CELSR1: variants seen among roughly 807,000 people sequenced by gnomAD.
CELSR1 encodes the protein cadherin EGF LAG seven-pass G-type receptor 1.
CELSR1 carries 110 observed loss-of-function variants against 249.1 expected under a neutral mutation model. The ratio of observed to expected loss-of-function variants is 0.44; its 90% CI spans 0.38 to 0.52. CELSR1 has a LOEUF of 0.52. Ranked by LOEUF, CELSR1 falls within the 20% of genes least tolerant of loss-of-function variation. The pLI is 0.00. For missense variants in CELSR1, 4,109 were observed against 4,296.4 expected (o/e 0.96, Z 1.22); for synonymous variants, 2,113 against 1,900.0 (o/e 1.11, Z -2.92).
chr22:46,496,970 A>C (rs2080420300), intron 1 of CELSR1, among the ~76,000 whole-genome samples: 1 of 152,218 alleles, frequency 6.6e-6, no homozygotes, highest in African/African-American at 2.4e-5. Context: ...ATAATGATCA[A>C]GTGTTATGAA....
intron 1 of CELSR1, among the ~76,000 whole-genome samples, chr22:46,515,509 A>C (rs2080617629): frequency 6.6e-6 from 1 of 152,206 alleles, no homozygotes; most frequent in Non-Finnish European, 1.5e-5. Flanking sequence ...TCCATGGTGA[A>C]GTCAGCTCTG....
At position 46,468,165 on chromosome 22, in the gene CELSR1, A is replaced by G. The variant is rs933948397; in HGVS notation, c.3545-3820T>C. ...CACTTTGGGAGGCCGAGGTGGGTGG[A>G]TCACGACGTCAGGAGTTCAAGACCA... On this transcript the variant is annotated intron_variant, in intron 1 of 34. Coordinates refer to ENST00000674500, the MANE Select transcript of CELSR1 (RefSeq NM_001378328.1). This position sits in a 1 kb window ranked among gnomAD's most constrained non-coding sequence, Gnocchi z 4.5. Among the ~76,000 whole-genome samples, 3 of 151,930 alleles carry G rather than the reference A, an allele frequency of 2.0e-5. No homozygotes were observed. The highest frequency in any genetic ancestry group is 7.3e-5 in the African/African-American group (3 of 41,352).
In CELSR1 at chr22:46,395,918, T is replaced by G. The variant is rs961586571; in HGVS notation, c.5843+687A>C. Among the ~76,000 whole-genome samples the G allele has an allele frequency of 1.4e-4, 21 of 152,264 alleles. No homozygotes were observed. The highest frequency in any genetic ancestry group is 2.6e-4 in the Non-Finnish European group (18 of 68,016). The stretch of plus-strand genomic sequence containing the variant: ...ACGCTGCTGCCTGTCCTAACCACAC[T>G]AGGATCTCCGCACACATCAGAAATG... On this transcript the variant is annotated intron_variant, in intron 13 of 34. Transcript: ENST00000674500. The surrounding 1 kb of genome is among the most constrained non-coding windows in gnomAD (Gnocchi z 5.5).
At chr22:46,383,905 T>G (rs2079005175) in intron 20 of CELSR1, among the ~76,000 whole-genome samples, 1 of 152,130 alleles carries the variant, frequency 6.6e-6, no homozygotes, top group Admixed American at 6.5e-5. Context: ...CTTTCTGACA[T>G]TATCAATTAC....
intron 2 of CELSR1, among the ~76,000 whole-genome samples, chr22:46,456,530 G>T (rs911339963): frequency 4.6e-5 from 7 of 151,948 alleles, no homozygotes; most frequent in African/African-American, 7.2e-5. Flanking sequence ...AGGCGTGGTG[G>T]TGGGCACCTG....
intron 5 of CELSR1, among the ~76,000 whole-genome samples, chr22:46,421,866 C>T (rs540628493): frequency 1.3e-3 from 201 of 152,358 alleles, no homozygotes; most frequent in African/African-American, 4.5e-3. Context: ...TCACGAAGGG[C>T]GTGACCTTTC....
At chr22:46,451,670 C>A (rs1216018018) in intron 2 of CELSR1, among the ~76,000 whole-genome samples, 1 of 152,200 alleles carries the variant, frequency 6.6e-6, no homozygotes, top group Non-Finnish European at 1.5e-5. Flanking sequence ...TCCTTCTCCA[C>A]AACACCGACG....
rs1013342267 is a variant in CELSR1 at position 46,434,395 on chromosome 22, C to T, written c.4523-914G>A. 3.3e-5 allele frequency among the ~76,000 whole-genome samples: 5 copies of T among 152,120 alleles called. No homozygotes were observed. The South Asian group carries it at 6.2e-4, about 19-fold the overall frequency. On this transcript the variant is annotated intron_variant, in intron 4 of 34. Transcript: ENST00000674500. The surrounding 1 kb of genome is among the most constrained non-coding windows in gnomAD (Gnocchi z 4.9). ...GACAGGTGCGGTGGGTACCAGGTCC[C>T]GGGCAGAGAATACCGTCTCCAGGGA...
chr22:46,534,242 T>C lies in CELSR1; in HGVS notation c.2929A>G (p.Thr977Ala). Residue 977 changes from threonine (T) to alanine (A), a missense_variant, in exon 1 of 35, where the codon ACT becomes GCT. Physicochemically the swap from Thr to Ala is moderately conservative, Grantham distance 58. Coordinates refer to ENST00000674500, the MANE Select transcript of CELSR1 (RefSeq NM_001378328.1). The surrounding 1 kb of genome is among the most constrained non-coding windows in gnomAD (Gnocchi z 9.7). ...ATTTCTACCGAGGCGCTAAGGGGAG[T>C]GGGACTGCCCCGATCCACAGCCAGA... ...WALAVDRGSP[T>A]PLSASVEIQV... 1.2e-6 allele frequency: 2 copies of C among 1,613,366 alleles called. No homozygotes were observed. The highest frequency in any genetic ancestry group is 1.7e-6 in the Non-Finnish European group (2 of 1,179,988).
intron 5 of CELSR1, among the ~76,000 whole-genome samples, chr22:46,419,242 G>C (rs149491925): frequency 2.4e-4 from 37 of 152,292 alleles, no homozygotes; most frequent in African/African-American, 8.7e-4. Flanking sequence ...TCAGAGGGGG[G>C]TCTTCTTGCC....
chr22:46,431,031 C>A (rs1393543906), intron 5 of CELSR1, among the ~76,000 whole-genome samples: 2 of 152,224 alleles, frequency 1.3e-5, no homozygotes, highest in Admixed American at 6.5e-5. Context: ...AAGTATCTGG[C>A]GCTCGCAGGA....
intron 14 of CELSR1, among the ~76,000 whole-genome samples, chr22:46,392,506 C>G (rs1163445874): frequency 6.6e-6 from 1 of 152,190 alleles, no homozygotes; most frequent in Non-Finnish European, 1.5e-5. Context: ...AGCTGGGAGG[C>G]GCATGGGGTG....
rs2080844725 is a variant in CELSR1, at chr22:46,535,639, G to A, written c.1532C>T (p.Ser511Leu). Residue 511 changes from serine (S) to leucine (L), a missense_variant, in exon 1 of 35, where the codon TCG becomes TTG. Ser to Leu is a moderately radical substitution (Grantham distance 145, BLOSUM62 -2). This residue lies in a region of CELSR1 where 135 missense variants were observed against 190.0 expected (regional missense o/e 0.71). Transcript: ENST00000674500. ...GATCACATCCAGGATCCCGCTCAGCGAGTGCAGGTAGAACTGGCCGGCCAC... is the reference window on the plus strand; with the variant it reads ...GATCACATCCAGGATCCCGCTCAGCAAGTGCAGGTAGAACTGGCCGGCCAC... ...GNVAGQFYLH[S>L]LSGILDVINP... 1 of 1,613,374 alleles carries A rather than the reference G, an allele frequency of 6.2e-7. No homozygotes were observed. Among genetic ancestry groups the A allele is most frequent in the Non-Finnish European group, 8.5e-7 (1 of 1,180,028 alleles).
Position 46,409,208 on chromosome 22 carries a change from C to T in CELSR1, c.5060-46G>A, listed in dbSNP as rs372718582. ...ACCTCAGGTGTCTCCCGAAATCACA[C>T]GGCCGCGGACTTGGCTGCAGGGGCG... is the stretch of plus-strand genomic sequence containing the variant. On this transcript the variant is annotated intron_variant, in intron 8 of 34. Transcript: ENST00000674500. This position sits in a 1 kb window ranked among gnomAD's most constrained non-coding sequence, Gnocchi z 9.8. The T allele has an allele frequency of 2.7e-4, 429 of 1,596,966 alleles. 1 individual carries two copies. Among genetic ancestry groups the T allele is most frequent in the Non-Finnish European group, 3.4e-4 (399 of 1,172,850 alleles).
In CELSR1 at chr22:46,381,349, G is replaced by A. The variant is rs2078975992; in HGVS notation, c.7089-394C>T. On this transcript the variant is annotated intron_variant, in intron 21 of 34. Transcript: ENST00000674500. This position sits in a 1 kb window ranked among gnomAD's most constrained non-coding sequence, Gnocchi z 6.0. ...GTCACTGAGAACCACGTGAACACGA[G>A]GATCCCAGAGCCAGGGAAGTATCTG... 1.3e-5 allele frequency among the ~76,000 whole-genome samples: 2 copies of A among 152,202 alleles called. No homozygotes were observed. The highest frequency in any genetic ancestry group is 4.8e-5 in the African/African-American group (2 of 41,446).
chr22:46,361,474 G>A lies in CELSR1; in HGVS notation c.*1749C>T, dbSNP rs1265626716. The A allele has an allele frequency of 6.6e-6, 1 of 152,320 alleles. No individual in the cohort carries two copies. The highest frequency in any genetic ancestry group is 1.9e-4 in the East Asian group (1 of 5,198). 9.4% of individuals were successfully genotyped at this position (152,320 alleles called of 1,614,324 possible). ...CAGAATCCTGTTAAAGTCATGAAAG[G>A]AGACTGTTCGAAGACTTAAAAACCT... is the stretch of plus-strand genomic sequence containing the variant. On this transcript the variant is annotated 3_prime_UTR_variant, in exon 35 of 35. Coordinates refer to ENST00000674500, the MANE Select transcript of CELSR1 (RefSeq NM_001378328.1).
intron 32 of CELSR1, 77 bp from the exon 33 acceptor site, chr22:46,364,813 G>A: frequency 1.4e-6 from 2 of 1,389,606 alleles, no homozygotes; most frequent in Non-Finnish European, 2.0e-6. Context: ...TGGGTCTGGT[G>A]GCTCTGACCC....
At chr22:46,491,639 T>TCTC (rs1555929157) in intron 1 of CELSR1, among the ~76,000 whole-genome samples, 600 of 25,892 alleles carry the variant, frequency 0.023, 6 homozygotes, top group African/African-American at 0.034. Context: ...CTCTCTCTCT[T>TCTC]TTTTTTTTTT....
intron 3 of CELSR1, 94 bp downstream of exon 3, chr22:46,439,095 C>T (rs753593515): frequency 1.5e-4 from 175 of 1,201,472 alleles, no homozygotes; most frequent in Non-Finnish European, 1.7e-4. Flanking sequence ...ACACGGAGGA[C>T]ATCAACGTCA....
Sources: allele counts gnomAD v4.1 joint callset (sites outside exome capture counted in the v4.1 genomes callset), GRCh38; gene constraint gnomAD v4.1.1; regional missense constraint gnomAD v4.1.1; non-coding constraint Gnocchi (gnomAD v3.1); transcripts MANE v1.5; gene names NCBI Gene and HGNC (gene_info 2026-07-23, HGNC 2026-07-21).